Variants in LARP1B observed in about 807,000 individuals in gnomAD.
LARP1B encodes La ribonucleoprotein 1B.
In LARP1B, 76 loss-of-function variants were observed where a neutral mutation model predicts 114.2. That is an observed-to-expected ratio of 0.67 (90% CI 0.55 to 0.81). The LOEUF (loss-of-function observed/expected upper bound fraction) is 0.81, where lower values mean the gene tolerates loss of function less well. Ranked by LOEUF, LARP1B falls within the 30% of genes least tolerant of loss-of-function variation. The pLI is 0.00. For missense variants in LARP1B, 1,014 were observed against 1,075.8 expected (o/e 0.94, Z 0.80); for synonymous variants, 345 against 348.0 (o/e 0.99, Z 0.10).
chr4:128,081,077 CTTT>C (rs4000703), intron 4 of LARP1B, among the ~76,000 whole-genome samples: 198 of 127,940 alleles, frequency 1.5e-3, no homozygotes, highest in Non-Finnish European at 1.6e-3. Flanking sequence ...TGTATATATA[CTTT>C]TTTTTTTTTT....
chr4:128,142,095 A>G (rs1728326104), intron 11 of LARP1B, among the ~76,000 whole-genome samples: 1 of 152,128 alleles, frequency 6.6e-6, no homozygotes, highest in South Asian at 2.1e-4. Context: ...TCTCCTCACC[A>G]CCACTTGAGC....
At chr4:128,204,405 A>T (rs994818878) in intron 17 of LARP1B, among the ~76,000 whole-genome samples, 8 of 152,162 alleles carry the variant, frequency 5.3e-5, no homozygotes, top group Non-Finnish European at 1.2e-4. Flanking sequence ...CTGTAATCCC[A>T]GCACTTTGGG....
chr4:128,122,443 T>G (rs1281576352), intron 11 of LARP1B: 73 of 1,453,082 alleles, frequency 5.0e-5, no homozygotes, highest in Non-Finnish European at 6.3e-5. Context: ...CCCTTGTTTT[T>G]TTTTTTTTTT....
At chr4:128,169,319 T>C (rs1581231581) in intron 12 of LARP1B, among the ~76,000 whole-genome samples, 1 of 152,036 alleles carries the variant, frequency 6.6e-6, no homozygotes, top group Admixed American at 6.5e-5. Flanking sequence ...GATCATTTAT[T>C]TGACACCATT....
downstream of LARP1B, among the ~76,000 whole-genome samples, chr4:128,214,282 G>A (rs7692023): frequency 3.6e-3 from 541 of 148,446 alleles, 4 homozygotes; most frequent in African/African-American, 9.9e-3. Flanking sequence ...CGGGAAGCTC[G>A]AACTGGGTGG....
In LARP1B at chr4:128,122,459, G is replaced by GT. The variant is rs758240640; in HGVS notation, c.1524+280dup. The GT allele has an allele frequency of 4.4e-3, 6,501 of 1,465,188 alleles. 197 individuals carry two copies. The African/African-American group carries it at 0.085, about 19-fold the overall frequency. 90.8% of individuals were successfully genotyped at this position (1,465,188 alleles called of 1,614,324 possible). A position where few individuals can be genotyped will look rare whatever the true frequency, so the allele number is the denominator to read the frequency against. The stretch of plus-strand genomic sequence containing the variant: ...CCTTGTTTTTTTTTTTTTTTGTTTT[G>GT]TTTTTTTTTGTTTTTGTTTTAGGTG... On this transcript the variant is annotated intron_variant, in intron 11 of 19. Transcript: ENST00000326639.
intron 11 of LARP1B, among the ~76,000 whole-genome samples, chr4:128,143,455 T>C (rs1048302303): frequency 2.0e-5 from 3 of 152,188 alleles, no homozygotes; most frequent in African/African-American, 7.2e-5. Context: ...TGTTGGAAGC[T>C]GGGAATTTGG....
chr4:128,087,013 G>A (rs1773862534), intron 5 of LARP1B, among the ~76,000 whole-genome samples: 1 of 151,718 alleles, frequency 6.6e-6, no homozygotes. Flanking sequence ...TCGCACTATT[G>A]CCCAGGCTGG....
intron 15 of LARP1B, among the ~76,000 whole-genome samples, chr4:128,182,058 C>T (rs1474994447): frequency 6.6e-6 from 1 of 150,616 alleles, no homozygotes; most frequent in African/African-American, 2.4e-5. Context: ...GTGATCTGCC[C>T]GCCTTGGCCT....
At chr4:128,176,078 C>T (rs1745743070) in intron 12 of LARP1B, among the ~76,000 whole-genome samples, 1 of 146,794 alleles carries the variant, frequency 6.8e-6, no homozygotes, top group African/African-American at 2.5e-5. Flanking sequence ...AGGATTGTCT[C>T]TGTCTCTCTC....
At chr4:128,085,250 A>T (rs1234584110) in intron 5 of LARP1B, among the ~76,000 whole-genome samples, 2 of 150,218 alleles carry the variant, frequency 1.3e-5, no homozygotes, top group African/African-American at 4.9e-5. Flanking sequence ...TTTTTTGTTT[A>T]ATTTCTTTTC....
At chr4:128,105,367 ATGT>A (rs1210506382) in intron 8 of LARP1B, among the ~76,000 whole-genome samples, 2 of 152,180 alleles carry the variant, frequency 1.3e-5, no homozygotes, top group South Asian at 2.1e-4. Flanking sequence ...ACATTCATCC[ATGT>A]TGTTGCAATG....
At chr4:128,096,086 C>T (rs984248796) in intron 7 of LARP1B, among the ~76,000 whole-genome samples, 3 of 151,770 alleles carry the variant, frequency 2.0e-5, no homozygotes, top group South Asian at 4.2e-4. Context: ...CTCCGCCTCC[C>T]GGGTTCACAC....
chr4:128,154,419 G>T (rs1011769719), intron 11 of LARP1B, among the ~76,000 whole-genome samples: 4 of 151,918 alleles, frequency 2.6e-5, no homozygotes, highest in African/African-American at 9.7e-5. Flanking sequence ...CTATTCAGTG[G>T]TTCCTCACCC....
At chr4:128,161,345 T>C (rs1202177830) in intron 11 of LARP1B, among the ~76,000 whole-genome samples, 1 of 152,154 alleles carries the variant, frequency 6.6e-6, no homozygotes, top group Non-Finnish European at 1.5e-5. Context: ...CTTAAGTGAC[T>C]ATGCAATAGT....
intron 8 of LARP1B, 117 bp downstream of exon 8, chr4:128,098,447 A>G: frequency 2.7e-6 from 2 of 733,588 alleles, no homozygotes; most frequent in Non-Finnish European, 4.3e-6. Context: ...TGAGGCTCAG[A>G]CAGCATTCCA....
chr4:128,189,324 CTTTTTTTTTTTTTT>C (rs70966089), intron 15 of LARP1B, among the ~76,000 whole-genome samples: 11 of 6,822 alleles, frequency 1.6e-3, no homozygotes, highest in African/African-American at 3.8e-3. Context: ...AGTATGGCTA[CTTTTTTTTTTTTTT>C]TTTTTTTTTT....
In LARP1B at chr4:128,178,633, T is replaced by C. The variant is rs765116676; in HGVS notation, c.1887T>C (p.Ile629=). The stretch of plus-strand genomic sequence containing the variant: ...CTGTTGTTAAAGAACCAAAAGCCAT[T>C]GATGTAAAGGTATACAAAACAACCA... ...FYPVVKEPKA[I]DVKSPRKRKT... is the part of the protein sequence containing the mutation. Residue 629 remains isoleucine (I), a synonymous_variant, in exon 14 of 20, where the codon ATT becomes ATC. Transcript: ENST00000326639. 1.2e-6 allele frequency: 2 copies of C among 1,612,776 alleles called. No individual in the cohort carries two copies. Among genetic ancestry groups the C allele is most frequent in the South Asian group, 1.1e-5 (1 of 91,038 alleles).
At chr4:128,169,597 CTCTCTA>C (rs1742643458) in intron 12 of LARP1B, among the ~76,000 whole-genome samples, 2 of 151,658 alleles carry the variant, frequency 1.3e-5, no homozygotes, top group Non-Finnish European at 2.9e-5. Context: ...TTAATATTCT[CTCTCTA>C]TCTCTATTTC....
Sources: gnomAD v4.1 joint callset for allele counts (sites outside exome capture counted in the v4.1 genomes callset) on GRCh38, gnomAD v4.1.1 for gene constraint, MANE v1.5 for transcripts, NCBI Gene and HGNC (gene_info 2026-07-23, HGNC 2026-07-21) for gene names.